Variants in BICC1 observed in about 807,000 individuals in gnomAD.
The protein encoded by BICC1 is protein bicaudal C homolog 1.
Under a neutral mutation model 111.0 loss-of-function variants are expected in BICC1, and 43 were observed. That is an observed-to-expected ratio of 0.39 (90% CI 0.30 to 0.50). The LOEUF (loss-of-function observed/expected upper bound fraction) is 0.50, where lower values mean the gene tolerates loss of function less well. BICC1 is among the 20% of genes least tolerant of loss of function. The probability of loss-of-function intolerance (pLI) is 0.88; values close to 1 mark genes in which losing one functional copy is unlikely to be tolerated. For synonymous variants in BICC1, 467 were observed against 434.4 expected, an observed-to-expected ratio of 1.07 and a Z score of -0.93; for missense variants, 1,091 against 1,203.2, an observed-to-expected ratio of 0.91 and a Z score of 1.38.
intron 10 of BICC1, 76 bp downstream of exon 10, chr10:58,796,602 G>A (rs1843362255): frequency 5.0e-6 from 7 of 1,405,418 alleles, no homozygotes; most frequent in South Asian, 1.4e-5. Context: ...TCTACCATTC[G>A]GGTCTACATT....
chr10:58,530,487 G>A (rs73296586), intron 1 of BICC1, among the ~76,000 whole-genome samples: 1,559 of 151,750 alleles, frequency 0.01, 26 homozygotes, highest in African/African-American at 0.036. Context: ...AGACTTAGAC[G>A]TATAGATATC....
At chr10:58,566,031 G>C (rs987108135) in intron 1 of BICC1, among the ~76,000 whole-genome samples, 1 of 151,950 alleles carries the variant, frequency 6.6e-6, no homozygotes, top group Admixed American at 6.6e-5. Flanking sequence ...ATCCTCATAC[G>C]ATGTTTGGTT....
chr10:58,762,887 A>C (rs1345329535), intron 3 of BICC1, among the ~76,000 whole-genome samples: 2 of 152,220 alleles, frequency 1.3e-5, no homozygotes, highest in African/African-American at 4.8e-5. Flanking sequence ...TCATCGTAAC[A>C]CAAAGGAGGC....
At chr10:58,784,221 G>A (rs1390905397) in intron 3 of BICC1, among the ~76,000 whole-genome samples, 5 of 152,018 alleles carry the variant, frequency 3.3e-5, no homozygotes, top group African/African-American at 4.8e-5. Flanking sequence ...GTTCTTTGTG[G>A]ACAGGACTCT....
At chr10:58,808,703 G>T (rs1168185092) in intron 17 of BICC1, among the ~76,000 whole-genome samples, 2 of 138,938 alleles carry the variant, frequency 1.4e-5, no homozygotes, top group South Asian at 2.3e-4. Context: ...AGTTCTTAGT[G>T]ATATTTAAAA....
At chr10:58,684,408 T>A (rs1839643060) in intron 2 of BICC1, among the ~76,000 whole-genome samples, 1 of 152,150 alleles carries the variant, frequency 6.6e-6, no homozygotes, top group African/African-American at 2.4e-5. Context: ...TTAGGGAGGA[T>A]TCCCTCTTTT....
chr10:58,681,574 C>T (rs1257781169), intron 2 of BICC1, among the ~76,000 whole-genome samples: 1 of 152,158 alleles, frequency 6.6e-6, no homozygotes, highest in Non-Finnish European at 1.5e-5. Context: ...TTAGTTCAGC[C>T]ATTGTGGAAG....
chr10:58,743,953 A>C (rs1029186842), intron 3 of BICC1, among the ~76,000 whole-genome samples: 2 of 152,212 alleles, frequency 1.3e-5, no homozygotes, highest in African/African-American at 2.4e-5. Context: ...AACACAACTT[A>C]AGCAGGTATC....
intron 1 of BICC1, among the ~76,000 whole-genome samples, chr10:58,522,661 A>G (rs890389036): frequency 6.6e-6 from 1 of 152,066 alleles, no homozygotes; most frequent in African/African-American, 2.4e-5. Context: ...GAAACGAGCA[A>G]ACACATTCAA....
intron 2 of BICC1, among the ~76,000 whole-genome samples, chr10:58,622,633 T>C (rs182660117): frequency 6.6e-6 from 1 of 152,318 alleles, no homozygotes; most frequent in East Asian, 1.9e-4. Context: ...GTCTTTTCCA[T>C]AGATAGGTGT....
intron 1 of BICC1, among the ~76,000 whole-genome samples, chr10:58,606,464 A>G (rs1458748449): frequency 6.6e-6 from 1 of 151,828 alleles, no homozygotes; most frequent in Non-Finnish European, 1.5e-5. Flanking sequence ...CTAGGGCTAG[A>G]TGACGAGTTA....
intron 17 of BICC1, among the ~76,000 whole-genome samples, chr10:58,812,572 G>A (rs1843945975): frequency 6.6e-6 from 1 of 151,698 alleles, no homozygotes; most frequent in South Asian, 2.1e-4. Flanking sequence ...CCGCCTCCTG[G>A]GTTCAAGCAA....
intron 1 of BICC1, among the ~76,000 whole-genome samples, chr10:58,555,306 ATTTTTTTTTTT>A (rs61692850): frequency 2.9e-5 from 3 of 102,534 alleles, no homozygotes; most frequent in Admixed American, 1.1e-4. Context: ...GCTGTTGGAC[ATTTTTTTTTTT>A]TTTTTTTTTT....
At chr10:58,604,797 C>G (rs1016624600) in intron 1 of BICC1, among the ~76,000 whole-genome samples, 8 of 152,182 alleles carry the variant, frequency 5.3e-5, no homozygotes, top group African/African-American at 1.7e-4. Flanking sequence ...ATACCATATA[C>G]TGGATAGCTT....
rs180676973 is a variant in BICC1, at chr10:58,577,176, C to T, written c.191-43679C>T. Among the ~76,000 whole-genome samples, 571 of 152,240 alleles carry T rather than the reference C, an allele frequency of 3.8e-3. 4 individuals are homozygous for T. The highest frequency in any genetic ancestry group is 0.013 in the African/African-American group (546 of 41,534). On this transcript the variant is annotated intron_variant, in intron 1 of 20. Coordinates refer to ENST00000373886, the MANE Select transcript of BICC1 (RefSeq NM_001080512.3). Reference sequence around the variant, plus strand: ...CACTTACCATTCAGTGGGTGCCTACCATGTGCTAGACAGGGGAGGTTCCTT... The same window carrying T: ...CACTTACCATTCAGTGGGTGCCTACTATGTGCTAGACAGGGGAGGTTCCTT...
chr10:58,644,634 T>G (rs1392478086), intron 2 of BICC1, among the ~76,000 whole-genome samples: 2 of 152,222 alleles, frequency 1.3e-5, no homozygotes, highest in African/African-American at 4.8e-5. Flanking sequence ...AAAAACTAGA[T>G]AAGGATAAGT....
At chr10:58,525,715 A>T (rs895083596) in intron 1 of BICC1, among the ~76,000 whole-genome samples, 2 of 123,624 alleles carry the variant, frequency 1.6e-5, no homozygotes, top group East Asian at 2.5e-4. Context: ...ATAATAAAAA[A>T]AATTTTTTAA....
chr10:58,591,570 C>T (rs1036949124), intron 1 of BICC1, among the ~76,000 whole-genome samples: 3 of 152,164 alleles, frequency 2.0e-5, no homozygotes, highest in African/African-American at 7.2e-5. Context: ...TCCTGAAGAC[C>T]CCACCTATTG....
Position 58,829,222 on chromosome 10 carries a change from T to TTA in BICC1, c.*331_*332insTA, listed in dbSNP as rs1844490556. 1 of 136,254 alleles carries TTA rather than the reference T, an allele frequency of 7.3e-6. No homozygotes were observed. The highest frequency in any genetic ancestry group is 1.5e-5 in the Non-Finnish European group (1 of 67,032). 8.4% of individuals were successfully genotyped at this position (136,254 alleles called of 1,614,324 possible). A position where few individuals can be genotyped will look rare whatever the true frequency, so the allele number is the denominator to read the frequency against. On this transcript the variant is annotated 3_prime_UTR_variant, in exon 21 of 21. Coordinates refer to ENST00000373886, the MANE Select transcript of BICC1 (RefSeq NM_001080512.3). The stretch of plus-strand genomic sequence containing the variant: ...TTTTTTTTTTTTTTTTTTTTTTTTT[T>TTA]ACTTAAAATGAAGGATGAATTGACA...
Sources: allele counts gnomAD v4.1 joint callset (sites outside exome capture counted in the v4.1 genomes callset), GRCh38; gene constraint gnomAD v4.1.1; transcripts MANE v1.5; gene names NCBI Gene and HGNC (gene_info 2026-07-23, HGNC 2026-07-21).